Variants in SEMA6D observed in about 807,000 individuals in gnomAD.
The protein encoded by SEMA6D is semaphorin 6D.
In SEMA6D, 35 loss-of-function variants were observed where a neutral mutation model predicts 106.6. The ratio of observed to expected loss-of-function variants is 0.33; its 90% CI spans 0.25 to 0.44. The LOEUF (loss-of-function observed/expected upper bound fraction) is 0.44, where lower values mean the gene tolerates loss of function less well. SEMA6D is among the 20% of genes least tolerant of loss of function. The pLI is 1.00. For missense variants in SEMA6D, 1,185 were observed against 1,345.9 expected (o/e 0.88, Z 1.87); for synonymous variants, 499 against 487.7 (o/e 1.02, Z -0.31).
intron 2 of SEMA6D, among the ~76,000 whole-genome samples, chr15:47,459,782 A>G (rs2042447536): frequency 6.6e-6 from 1 of 152,102 alleles, no homozygotes; most frequent in Non-Finnish European, 1.5e-5. Context: ...AGTCTATTAA[A>G]TTCTACTTAA....
chr15:47,442,342 A>C (rs1249634795), intron 2 of SEMA6D, among the ~76,000 whole-genome samples: 1 of 152,024 alleles, frequency 6.6e-6, no homozygotes, highest in Non-Finnish European at 1.5e-5. Context: ...ACCTTCCATG[A>C]TGTACAGAAA....
At chr15:47,670,314 A>T (rs996743378) in intron 4 of SEMA6D, among the ~76,000 whole-genome samples, 1 of 152,208 alleles carries the variant, frequency 6.6e-6, no homozygotes, top group African/African-American at 2.4e-5. Flanking sequence ...ACACACACAG[A>T]TGCTAACTTC....
intron 1 of SEMA6D, among the ~76,000 whole-genome samples, chr15:47,349,968 G>A (rs1175390478): frequency 6.6e-6 from 1 of 152,168 alleles, no homozygotes; most frequent in African/African-American, 2.4e-5. Flanking sequence ...TCTTGTTGGA[G>A]AATGACCTTT....
At chr15:47,441,062 C>G (rs2041867486) in intron 2 of SEMA6D, among the ~76,000 whole-genome samples, 1 of 152,022 alleles carries the variant, frequency 6.6e-6, no homozygotes, top group African/African-American at 2.4e-5. Context: ...CTTACCATGG[C>G]AGCATTGTGA....
intron 1 of SEMA6D, among the ~76,000 whole-genome samples, chr15:47,209,269 A>T (rs1317998806): frequency 2.6e-5 from 4 of 152,222 alleles, no homozygotes; most frequent in Non-Finnish European, 5.9e-5. Flanking sequence ...TCTACTTAGA[A>T]TCTGCAACAC....
chr15:47,314,597 CAAAA>C lies in SEMA6D; in HGVS notation c.-238-97778_-238-97775del, dbSNP rs764929520. 7.4e-4 allele frequency among the ~76,000 whole-genome samples: 18 copies of C among 24,300 alleles called. 1 individual carries two copies. Among genetic ancestry groups the C allele is most frequent in the Admixed American group, 4.7e-3 (8 of 1,714 alleles). 15.9% of individuals were successfully genotyped at this position (24,300 alleles called of 152,430 possible). Reference sequence around the variant, plus strand: ...TGGGCGACAGAGCGAGACTCCATCTCAAAAAAAAAAAAAAAAAAAAAGAATTCTT... The same window carrying C: ...TGGGCGACAGAGCGAGACTCCATCTCAAAAAAAAAAAAAAAAAGAATTCTT... On this transcript the variant is annotated intron_variant, in intron 1 of 19. Transcript: ENST00000558014.
chr15:47,549,740 A>G (rs2045626363), intron 3 of SEMA6D, among the ~76,000 whole-genome samples: 1 of 152,154 alleles, frequency 6.6e-6, no homozygotes, highest in Non-Finnish European at 1.5e-5. Flanking sequence ...TGAAATGAAG[A>G]TGATTATAAA....
At chr15:47,511,368 T>G (rs972731018) in intron 3 of SEMA6D, among the ~76,000 whole-genome samples, 7 of 152,234 alleles carry the variant, frequency 4.6e-5, no homozygotes, top group Admixed American at 2.6e-4. Flanking sequence ...TGCTCACAAA[T>G]CATCTAACCT....
intron 1 of SEMA6D, among the ~76,000 whole-genome samples, chr15:47,213,681 G>A (rs282519): frequency 0.99 from 150,532 of 152,176 alleles, 74,470 homozygotes; most frequent in Middle Eastern, 1. Context: ...TACAAAATCA[G>A]TAAAAGACAT....
At chr15:47,238,015 T>C (rs2032664699) in intron 1 of SEMA6D, among the ~76,000 whole-genome samples, 2 of 152,138 alleles carry the variant, frequency 1.3e-5, no homozygotes, top group African/African-American at 4.8e-5. Context: ...GGAGCATCCT[T>C]GTCAAGTGCG....
At chr15:47,610,186 C>T (rs1033386416) in intron 4 of SEMA6D, among the ~76,000 whole-genome samples, 4 of 152,200 alleles carry the variant, frequency 2.6e-5, no homozygotes, top group Admixed American at 1.3e-4. Flanking sequence ...CAGGACCTAG[C>T]CACGTTTCAG....
At chr15:47,691,602 A>G (rs2078587502) in intron 4 of SEMA6D, among the ~76,000 whole-genome samples, 1 of 152,176 alleles carries the variant, frequency 6.6e-6, no homozygotes, top group African/African-American at 2.4e-5. Context: ...GAGATTATAA[A>G]TATAAGGTTT....
At chr15:47,494,790 A>ATATC (rs1596149084) in intron 3 of SEMA6D, among the ~76,000 whole-genome samples, 4 of 82,852 alleles carry the variant, frequency 4.8e-5, no homozygotes, top group African/African-American at 2.0e-4. Context: ...ATATATATAT[A>ATATC]ATCTCCAGAT....
chr15:47,297,336 ACT>A (rs1457207882), intron 1 of SEMA6D, among the ~76,000 whole-genome samples: 1 of 151,740 alleles, frequency 6.6e-6, no homozygotes, highest in East Asian at 1.9e-4. Flanking sequence ...GATTTCAGAA[ACT>A]CTCACTTAAG....
intron 4 of SEMA6D, among the ~76,000 whole-genome samples, chr15:47,634,005 G>A (rs2077336867): frequency 6.6e-6 from 1 of 152,050 alleles, no homozygotes; most frequent in Non-Finnish European, 1.5e-5. Context: ...TTCCTTTGCT[G>A]AGATTTTTTC....
chr15:47,276,587 T>C lies in SEMA6D; in HGVS notation c.-239+92169T>C, dbSNP rs558758559. ...GTTTACTGCATGGTTTTAGCGAATA[T>C]TTTAAGACTATTGTGAAGACCTACT... On this transcript the variant is annotated intron_variant, in intron 1 of 19. Transcript: ENST00000558014. Among the ~76,000 whole-genome samples the C allele has an allele frequency of 2.6e-5, 4 of 152,304 alleles. No homozygotes were observed. In the South Asian group the frequency reaches 8.3e-4, roughly 32 times the overall value.
chr15:47,682,505 C>T (rs952681869), intron 4 of SEMA6D, among the ~76,000 whole-genome samples: 4 of 152,166 alleles, frequency 2.6e-5, no homozygotes, highest in African/African-American at 9.7e-5. Context: ...TTGCAATGGT[C>T]ATATCATTCT....
chr15:47,634,864 C>T (rs1402608540), intron 4 of SEMA6D, among the ~76,000 whole-genome samples: 1 of 152,166 alleles, frequency 6.6e-6, no homozygotes, highest in Non-Finnish European at 1.5e-5. Context: ...CCACTGAAAC[C>T]TCCTAGGGGA....
chr15:47,693,346 A>G (rs1036929229), intron 4 of SEMA6D, among the ~76,000 whole-genome samples: 1 of 152,126 alleles, frequency 6.6e-6, no homozygotes, highest in African/African-American at 2.4e-5. Flanking sequence ...GGCCCCTAGA[A>G]CTGTGAGACA....
Sources: gnomAD v4.1 joint callset for allele counts (sites outside exome capture counted in the v4.1 genomes callset) on GRCh38, gnomAD v4.1.1 for gene constraint, MANE v1.5 for transcripts, NCBI Gene and HGNC (gene_info 2026-07-23, HGNC 2026-07-21) for gene names.